The following TBL1X variants were observed in gnomAD, a reference collection of about 807,000 sequenced individuals.
The protein encoded by TBL1X is F-box-like/WD repeat-containing protein TBL1X.
TBL1X carries 10 observed loss-of-function variants against 50.7 expected under a neutral mutation model. The observed-to-expected ratio is 0.20, with a 90% CI of 0.12 to 0.33. TBL1X has a LOEUF of 0.33. Among genes scored for constraint, TBL1X ranks in the 10% least tolerant of loss-of-function variants. The probability of loss-of-function intolerance (pLI) is 1.00; values close to 1 mark genes in which losing one functional copy is unlikely to be tolerated. For missense variants in TBL1X, 340 were observed against 504.4 expected (o/e 0.67, Z 3.12); for synonymous variants, 190 against 214.7 (o/e 0.88, Z 1.01).
chrX:9,657,219 T>G (rs1200993806), intron 5 of TBL1X, among the ~76,000 whole-genome samples: 1 of 112,066 alleles, frequency 8.9e-6, no homozygotes, highest in African/African-American at 3.2e-5. Context: ...AGTAGGTGTT[T>G]CCCTGCAGTG....
chrX:9,518,656 T>A (rs757342692), intron 2 of TBL1X, among the ~76,000 whole-genome samples: 163 of 111,673 alleles, frequency 1.5e-3, no homozygotes, highest in African/African-American at 5.1e-3. Flanking sequence ...GTCACCTCTG[T>A]GCAGGGCATG....
rs185414669 is a variant in TBL1X, at chrX:9,566,709, C to A, written c.-131+64860C>A. On this transcript the variant is annotated intron_variant, in intron 2 of 17. Coordinates refer to ENST00000645353, the MANE Select transcript of TBL1X (RefSeq NM_005647.4). ...TAATCATTATGGCAAAAATATTGCA[C>A]CCTTTGGATGCATTCCAGTGCTCAG... is the stretch of plus-strand genomic sequence containing the variant. Among the ~76,000 whole-genome samples the A allele has an allele frequency of 1.6e-4, 18 of 109,544 alleles. No individual in the cohort carries two copies. In the East Asian group the frequency reaches 4.6e-3, roughly 28 times the overall value.
chrX:9,478,622 G>T (rs1007256247), intron 1 of TBL1X, among the ~76,000 whole-genome samples: 7 of 111,638 alleles, frequency 6.3e-5, no homozygotes, highest in African/African-American at 2.3e-4. Flanking sequence ...CATCAGGATG[G>T]GGGAGGAGAG....
chrX:9,507,790 C>A (rs781566058), intron 2 of TBL1X, among the ~76,000 whole-genome samples: 1 of 111,713 alleles, frequency 9.0e-6, no homozygotes, highest in Non-Finnish European at 1.9e-5. Context: ...TAACACCATA[C>A]ATCTGTAACC....
At chrX:9,702,698 C>T (rs1169342871) in intron 12 of TBL1X, among the ~76,000 whole-genome samples, 1 of 111,612 alleles carries the variant, frequency 9.0e-6, no homozygotes, top group Non-Finnish European at 1.9e-5. Flanking sequence ...GAAGCTAACC[C>T]TCTCTTTCCC....
intron 12 of TBL1X, among the ~76,000 whole-genome samples, chrX:9,702,954 G>C (rs975189460): frequency 9.0e-6 from 1 of 111,596 alleles, no homozygotes; most frequent in African/African-American, 3.3e-5. Context: ...GAGGTGGTCA[G>C]ATGCGGACGA....
At chrX:9,534,562 C>A (rs1481086021) in intron 2 of TBL1X, among the ~76,000 whole-genome samples, 7 of 109,820 alleles carry the variant, frequency 6.4e-5, no homozygotes, top group African/African-American at 2.3e-4. Context: ...TTCTTAATAC[C>A]CTAATTTAAA....
At chrX:9,668,403 G>C (rs1055490722) in intron 5 of TBL1X, among the ~76,000 whole-genome samples, 11 of 110,452 alleles carry the variant, frequency 1.0e-4, no homozygotes, top group East Asian at 2.8e-4. Context: ...TGGGACTCTC[G>C]TGGAGAGCTG....
chrX:9,718,571 T>C lies in TBL1X; in HGVS notation c.*2325T>C, dbSNP rs1321267966. On this transcript the variant is annotated 3_prime_UTR_variant, in exon 18 of 18. Transcript: ENST00000645353. ...GTTGGGGTCCAAAAGACACCATCTCTACCCCACCCAAATAAAAATGCACTC... is the reference window on the plus strand; with the variant it reads ...GTTGGGGTCCAAAAGACACCATCTCCACCCCACCCAAATAAAAATGCACTC... 1.8e-5 allele frequency: 2 copies of C among 111,603 alleles called. No individual in the cohort carries two copies. Among genetic ancestry groups the C allele is most frequent in the Non-Finnish European group, 3.8e-5 (2 of 53,099 alleles). The allele number at this position is 111,603 out of a possible 1,213,427, so 9.2% of individuals were successfully genotyped here.
intron 2 of TBL1X, among the ~76,000 whole-genome samples, chrX:9,570,200 A>G (rs765799976): frequency 2.4e-4 from 27 of 112,025 alleles, no homozygotes; most frequent in Non-Finnish European, 4.5e-4. Context: ...CTCCCTTCCA[A>G]TCTGTGGTTC....
intron 2 of TBL1X, among the ~76,000 whole-genome samples, chrX:9,513,363 G>A (rs760558039): frequency 2.7e-5 from 3 of 110,630 alleles, no homozygotes; most frequent in African/African-American, 3.3e-5. Flanking sequence ...ACTCCAGTGG[G>A]GGGGTGCAGA....
chrX:9,718,339 G>A lies in TBL1X; in HGVS notation c.*2093G>A, dbSNP rs771556875. The A allele has an allele frequency of 4.5e-5, 5 of 111,817 alleles. No homozygotes were observed. The highest frequency in any genetic ancestry group is 1.9e-4 in the Admixed American group (2 of 10,604). 9.2% of individuals were successfully genotyped at this position (111,817 alleles called of 1,213,427 possible). ...CAGATCATTGATTGGCCTCCACTTGGGTATGTGAATTATTCATGTCCCAGA... is the reference window on the plus strand; with the variant it reads ...CAGATCATTGATTGGCCTCCACTTGAGTATGTGAATTATTCATGTCCCAGA... On this transcript the variant is annotated 3_prime_UTR_variant, in exon 18 of 18. Transcript: ENST00000645353.
intron 2 of TBL1X, among the ~76,000 whole-genome samples, chrX:9,550,559 T>G (rs1198651278): frequency 8.9e-6 from 1 of 112,079 alleles, no homozygotes; most frequent in Non-Finnish European, 1.9e-5. Context: ...TTGACCTTTT[T>G]TGTGTGTGGA....
chrX:9,480,924 T>A (rs141241394), intron 1 of TBL1X, among the ~76,000 whole-genome samples: 1 of 111,254 alleles, frequency 9.0e-6, no homozygotes, highest in Non-Finnish European at 1.9e-5. Context: ...TGTATGAATG[T>A]GTTGTTAGTA....
At chrX:9,511,106 T>C (rs2082053812) in intron 2 of TBL1X, among the ~76,000 whole-genome samples, 1 of 112,358 alleles carries the variant, frequency 8.9e-6, no homozygotes, top group African/African-American at 3.2e-5. Flanking sequence ...ATTTACTCTC[T>C]GGCCCTTTAC....
At chrX:9,579,752 G>A (rs184067990) in intron 2 of TBL1X, among the ~76,000 whole-genome samples, 203 of 110,899 alleles carry the variant, frequency 1.8e-3, no homozygotes, top group Admixed American at 2.7e-3. Flanking sequence ...TTTACAACTT[G>A]TGACCCCCTT....
chrX:9,704,691 C>T (rs1049476538), intron 12 of TBL1X, among the ~76,000 whole-genome samples: 1 of 106,736 alleles, frequency 9.4e-6, no homozygotes, highest in African/African-American at 3.5e-5. Flanking sequence ...TCAAGGCCAT[C>T]CTGGGCAATA....
At chrX:9,686,514 A>G (rs1452088878) in intron 6 of TBL1X, among the ~76,000 whole-genome samples, 2 of 112,245 alleles carry the variant, frequency 1.8e-5, no homozygotes, top group Admixed American at 9.4e-5. Context: ...CCTGGCCAAT[A>G]TAATGAGACC....
intron 2 of TBL1X, chrX:9,639,971 T>G (rs2082766981): frequency 8.9e-6 from 1 of 112,503 alleles, no homozygotes; most frequent in African/African-American, 3.2e-5. Context: ...TAAATTATCT[T>G]TAAATAATAG....
Sources: allele counts gnomAD v4.1 joint callset (sites outside exome capture counted in the v4.1 genomes callset), GRCh38; gene constraint gnomAD v4.1.1; transcripts MANE v1.5; gene names NCBI Gene and HGNC (gene_info 2026-07-23, HGNC 2026-07-21).